The following THEM5 variants were observed in gnomAD, a reference collection of about 807,000 sequenced individuals.
THEM5 encodes the protein thioesterase superfamily member 5, also known as acyl-coenzyme A thioesterase THEM5.
A neutral mutation model predicts 24.2 loss-of-function variants in THEM5; 28 were observed. The ratio of observed to expected loss-of-function variants is 1.16; its 90% CI spans 0.86 to 1.59. The LOEUF is 1.59. THEM5 is among the 40% of genes most tolerant of loss of function. The pLI, the probability that THEM5 is intolerant of heterozygous loss-of-function variation, is 0.00. For synonymous variants in THEM5, 87 were observed against 114.5 expected (o/e 0.76, Z 1.53); for missense variants, 260 against 296.8 (o/e 0.88, Z 0.91).
intron 2 of THEM5, 114 bp from the exon 3 acceptor site, chr1:151,851,305 C>T: frequency 1.5e-6 from 2 of 1,350,214 alleles, no homozygotes; most frequent in Non-Finnish European, 2.1e-6. Flanking sequence ...AACCAGAGGA[C>T]ACCAGGTCCA....
Position 151,853,686 on chromosome 1 carries a change from C to G in THEM5, c.-121G>C. 1.5e-6 allele frequency: 2 copies of G among 1,359,048 alleles called. No homozygotes were observed. Among genetic ancestry groups the G allele is most frequent in the Non-Finnish European group, 2.0e-6 (2 of 1,021,704 alleles). 84.2% of individuals were successfully genotyped at this position (1,359,048 alleles called of 1,614,324 possible). The stretch of plus-strand genomic sequence containing the variant: ...CTGTTGCAGGCTTTCTTTCAGAGAG[C>G]TAGGCGAGGCTGGGCTGGTGTGCTG... On this transcript the variant is annotated 5_prime_UTR_variant, in exon 1 of 6. Coordinates refer to ENST00000368817, the MANE Select transcript of THEM5 (RefSeq NM_182578.4).
chr1:151,847,553 GA>G (rs113479169), intron 5 of THEM5, 139 bp from the exon 6 acceptor site: 120 of 1,371,170 alleles, frequency 8.8e-5, no homozygotes, highest in African/African-American at 2.1e-4. Context: ...CTCATATATA[GA>G]AAAAAAAATC....
rs1318272726 is a variant in THEM5 at position 151,847,760 on chromosome 1, CT to C, written c.677del (p.Gln226ArgfsTer96). On this transcript the variant is annotated frameshift_variant, in exon 5 of 6. Transcript: ENST00000368817. LOFTEE classifies it high-confidence loss of function. ...TACCTGAGGACTTGGCATAAACTGT[CT>C]GCTGGTCTCTGCTGTGGGCGATGCA... ...MSCIAHSRDQQTVYAKSSGVF... is the reference protein window; with the variant it reads ...MSCIAHSRDQXTVYAKSSGVF... 1.2e-6 allele frequency: 2 copies of C among 1,613,772 alleles called. No individual in the cohort carries two copies. The highest frequency in any genetic ancestry group is 2.2e-5 in the East Asian group (1 of 44,842).
chr1:151,847,941 C>T, intron 4 of THEM5, 79 bp from the exon 5 acceptor site: 1 of 1,593,140 alleles, frequency 6.3e-7, no homozygotes, highest in South Asian at 1.1e-5. Context: ...CCTCTTCCCT[C>T]TCTTCATCCC....
intron 3 of THEM5, among the ~76,000 whole-genome samples, chr1:151,848,802 C>CAA (rs1653024897): frequency 6.6e-6 from 1 of 152,240 alleles, no homozygotes; most frequent in Admixed American, 6.5e-5. Context: ...TATGACCTAT[C>CAA]AAGGGCTGGC....
rs945551979 is a variant in THEM5 at position 151,847,345 on chromosome 1, T to C, written c.*26A>G. The C allele has an allele frequency of 6.2e-7, 1 of 1,612,008 alleles. No homozygotes were observed. The highest frequency in any genetic ancestry group is 1.3e-5 in the African/African-American group (1 of 74,380). ...GGCAGGAGGCAGGCAGGGGAGGCAG[T>C]GGCTCTCCTGCAGGCACAGTGACTG... On this transcript the variant is annotated 3_prime_UTR_variant, in exon 6 of 6. Coordinates refer to ENST00000368817, the MANE Select transcript of THEM5 (RefSeq NM_182578.4).
At position 151,853,438 on chromosome 1, in the gene THEM5, C is replaced by G. The variant is rs1050713912; in HGVS notation, c.123+5G>C. The G allele has an allele frequency of 6.2e-7, 1 of 1,611,976 alleles. No individual in the cohort carries two copies. The highest frequency in any genetic ancestry group is 1.3e-5 in the African/African-American group (1 of 74,846). ...ACTGCCCATCTGGCTGAGCTGGGAA[C>G]TCACCATGGAGTCTGTGGAGGATCC... is the stretch of plus-strand genomic sequence containing the variant. On this transcript the variant is annotated splice_donor_5th_base_variant and intron_variant, in intron 1 of 5. Coordinates refer to ENST00000368817, the MANE Select transcript of THEM5 (RefSeq NM_182578.4).
rs1376158192 is a variant in THEM5, at chr1:151,853,601, G to A, written c.-36C>T. On this transcript the variant is annotated 5_prime_UTR_variant, in exon 1 of 6. Coordinates refer to ENST00000368817, the MANE Select transcript of THEM5 (RefSeq NM_182578.4). ...AAGGATCCAGCCCTGCTTGGATGGA[G>A]GGTCTTGGCTGACTCCCAAGGAGTG... 6.3e-7 allele frequency: 1 copy of A among 1,586,656 alleles called. No homozygotes were observed. The highest frequency in any genetic ancestry group is 2.3e-5 in the East Asian group (1 of 44,032).
At position 151,852,137 on chromosome 1, in the gene THEM5, G is replaced by A. The variant is rs1046072553; in HGVS notation, c.325+121C>T. 1.9e-5 allele frequency: 18 copies of A among 948,980 alleles called. No individual in the cohort carries two copies. In the East Asian group the frequency reaches 3.7e-4, roughly 19 times the overall value. 58.8% of individuals were successfully genotyped at this position (948,980 alleles called of 1,614,324 possible). On this transcript the variant is annotated intron_variant, in intron 2 of 5. Transcript: ENST00000368817. The stretch of plus-strand genomic sequence containing the variant: ...GTTGCCTGGGGCTGCAGCATCAGGG[G>A]TGGAGTTGGACAGCAGGAAGAACTC...
At chr1:151,848,595 C>T (rs1274940024) in intron 3 of THEM5, among the ~76,000 whole-genome samples, 1 of 152,172 alleles carries the variant, frequency 6.6e-6, no homozygotes, top group African/African-American at 2.4e-5. Context: ...TAATAGAAAA[C>T]ATTTTTCTGG....
In THEM5 at chr1:151,852,261, A is replaced by G. The variant is rs773472992; in HGVS notation, c.322T>C (p.Ser108Pro). The part of the protein sequence containing the change: ...LKLPSGLAVS[S>P]DKGDCRIFTR... ...GTACTCATGGTCCTGTCCTTACCTG[A>G]GGAAACTGCCAGTCCAGATGGGAGC... is the stretch of plus-strand genomic sequence containing the variant. The change falls in exon 2 of 6, where the codon TCA becomes CCA. Residue 108 changes from serine to proline, a missense_variant. Coordinates refer to ENST00000368817, the MANE Select transcript of THEM5 (RefSeq NM_182578.4). 6.2e-7 allele frequency: 1 copy of G among 1,613,236 alleles called. No individual in the cohort carries two copies. The highest frequency in any genetic ancestry group is 1.1e-5 in the South Asian group (1 of 91,032).
rs546488554 is a variant in THEM5 at position 151,847,148 on chromosome 1, G to A, written c.*223C>T. On this transcript the variant is annotated 3_prime_UTR_variant, in exon 6 of 6. Coordinates refer to ENST00000368817, the MANE Select transcript of THEM5 (RefSeq NM_182578.4). ...CTCAGAGAAAAGGGTCCTTTCCCTC[G>A]CCTCACCAATTGCTGCTTGAGGACC... 5.4e-5 allele frequency: 40 copies of A among 735,896 alleles called. No homozygotes were observed. Among genetic ancestry groups the A allele is most frequent in the African/African-American group, 2.8e-4 (16 of 57,770 alleles). 45.6% of individuals were successfully genotyped at this position (735,896 alleles called of 1,614,324 possible).
At position 151,847,754 on chromosome 1, in the gene THEM5, A is replaced by C. The variant is rs1558179985; in HGVS notation, c.684T>G (p.Val228=). The C allele has an allele frequency of 6.2e-7, 1 of 1,613,478 alleles. No homozygotes were observed. The highest frequency in any genetic ancestry group is 1.7e-5 in the Admixed American group (1 of 59,978). The change falls in exon 5 of 6, where the codon GTT becomes GTG. Residue 228 remains valine (V), a synonymous_variant. Coordinates refer to ENST00000368817, the MANE Select transcript of THEM5 (RefSeq NM_182578.4). ...CTCCTTTACCTGAGGACTTGGCATA[A>C]ACTGTCTGCTGGTCTCTGCTGTGGG... The part of the protein sequence containing the change: ...CIAHSRDQQT[V]YAKSSGVFLQ...
At chr1:151,849,675 A>C (rs1311322284) in intron 3 of THEM5, among the ~76,000 whole-genome samples, 1 of 152,176 alleles carries the variant, frequency 6.6e-6, no homozygotes, top group Non-Finnish European at 1.5e-5. Context: ...CTGCCTCCCA[A>C]ATTGCTTGAA....
chr1:151,848,597 T>C (rs978973570), intron 3 of THEM5, among the ~76,000 whole-genome samples: 3 of 152,248 alleles, frequency 2.0e-5, no homozygotes, highest in African/African-American at 4.8e-5. Context: ...ATAGAAAACA[T>C]TTTTCTGGTT....
Position 151,852,443 on chromosome 1 carries a change from G to A in THEM5, c.140C>T (p.Pro47Leu). 5 of 1,614,134 alleles carry A rather than the reference G, an allele frequency of 3.1e-6. No individual in the cohort carries two copies. The highest frequency in any genetic ancestry group is 4.2e-6 in the Non-Finnish European group (5 of 1,180,034). The stretch of plus-strand genomic sequence containing the variant: ...ATAATCCTTCAAGTCTGTCTTCTCT[G>A]GCAAGAATCTTGAGAACTGGGCAGG... ...STDSMFSRFL[P>L]EKTDLKDYAL... is the part of the protein sequence containing the mutation. The change falls in exon 2 of 6, where the codon CCA becomes CTA. Residue 47 changes from proline (P) to leucine (L), a missense_variant. By Grantham distance (98) the Pro-to-Leu change is moderately conservative. Coordinates refer to ENST00000368817, the MANE Select transcript of THEM5 (RefSeq NM_182578.4).
chr1:151,848,846 G>A (rs1653025951), intron 3 of THEM5, among the ~76,000 whole-genome samples: 1 of 152,238 alleles, frequency 6.6e-6, no homozygotes, highest in African/African-American at 2.4e-5. Flanking sequence ...GCCACAGAAA[G>A]CAGAGCGCCT....
intron 3 of THEM5, among the ~76,000 whole-genome samples, chr1:151,848,932 A>T (rs1296488693): frequency 6.6e-6 from 1 of 152,244 alleles, no homozygotes; most frequent in East Asian, 1.9e-4. Context: ...TAGAATGCAT[A>T]GAATGGCCAG....
Position 151,851,131 on chromosome 1 carries a change from T to G in THEM5, c.386A>C (p.Tyr129Ser). The G allele has an allele frequency of 6.2e-7, 1 of 1,614,160 alleles. No homozygotes were observed. Among genetic ancestry groups the G allele is most frequent in the East Asian group, 2.2e-5 (1 of 44,886 alleles). Reference protein sequence around the residue: ...CIQVEGQGFEYVIFFQPTQKK... With the variant: ...CIQVEGQGFESVIFFQPTQKK... ...CTGGGTTGGCTGGAAAAAGATGACATACTCAAAGCCTTGTCCTTCCACTTG... is the reference window on the plus strand; with the variant it reads ...CTGGGTTGGCTGGAAAAAGATGACAGACTCAAAGCCTTGTCCTTCCACTTG... The change falls in exon 3 of 6, where the codon TAT becomes TCT. Residue 129 changes from tyrosine to serine, a missense_variant. Physicochemically the swap from Tyr to Ser is moderately radical, Grantham distance 144. Coordinates refer to ENST00000368817, the MANE Select transcript of THEM5 (RefSeq NM_182578.4).
Sources: gnomAD v4.1 joint callset for allele counts (sites outside exome capture counted in the v4.1 genomes callset) on GRCh38, gnomAD v4.1.1 for gene constraint, MANE v1.5 for transcripts, NCBI Gene and HGNC (gene_info 2026-07-23, HGNC 2026-07-21) for gene names.